PTPN4: variants seen among roughly 807,000 people sequenced by gnomAD.
PTPN4 encodes the protein protein tyrosine phosphatase non-receptor type 4, also known as tyrosine-protein phosphatase non-receptor type 4.
Under a neutral mutation model 135.5 loss-of-function variants are expected in PTPN4, and 49 were observed. The observed-to-expected ratio is 0.36, with a 90% confidence interval of 0.29 to 0.46. The LOEUF is 0.46. Among genes scored for constraint, PTPN4 ranks in the 20% least tolerant of loss-of-function variants. The pLI, the probability that PTPN4 is intolerant of heterozygous loss-of-function variation, is 1.00. For missense variants in PTPN4, 860 were observed against 1,101.0 expected (o/e 0.78, Z 3.10); for synonymous variants, 333 against 369.9 (o/e 0.90, Z 1.14).
intron 8 of PTPN4, among the ~76,000 whole-genome samples, chr2:119,884,004 A>G (rs530797245): frequency 2.2e-4 from 33 of 152,236 alleles, no homozygotes; most frequent in African/African-American, 7.5e-4. Context: ...GGTTCATGCC[A>G]TTCTCCTGCC....
In PTPN4 at chr2:119,978,784, G is replaced by A. The variant is rs141075821; in HGVS notation, c.*1714G>A. ...AGTCAAATGGCAGATATTTTGGAAA[G>A]CCATTTAGTATGAGGGGAAGAGTAC... On this transcript the variant is annotated 3_prime_UTR_variant, in exon 27 of 27. Transcript: ENST00000263708. 91 of 152,202 alleles carry A rather than the reference G, an allele frequency of 6.0e-4. No homozygotes were observed. The highest frequency in any genetic ancestry group is 2.0e-3 in the African/African-American group (84 of 41,556). 9.4% of individuals were successfully genotyped at this position (152,202 alleles called of 1,614,324 possible).
Position 119,945,226 on chromosome 2 carries a change from C to T in PTPN4, c.1501C>T (p.Pro501Ser), listed in dbSNP as rs1023895814. 40 of 1,563,692 alleles carry T rather than the reference C, an allele frequency of 2.6e-5. No homozygotes were observed. The highest frequency in any genetic ancestry group is 3.4e-5 in the Non-Finnish European group (39 of 1,158,364). Reference protein sequence around the residue: ...INETFDIPSSPEKPTPNGGIP... With the variant: ...INETFDIPSSSEKPTPNGGIP... ...TGAAACATTTGATATTCCATCTTCT[C>T]CTGAAAAACCCACTGTAAGTAGCTT... Residue 501 changes from proline (P) to serine (S), a missense_variant, in exon 16 of 27, where the codon CCT becomes TCT. Physicochemically the swap from Pro to Ser is moderately conservative, Grantham distance 74. Transcript: ENST00000263708.
At chr2:119,890,578 A>G (rs768657471) in intron 9 of PTPN4, among the ~76,000 whole-genome samples, 3 of 151,962 alleles carry the variant, frequency 2.0e-5, no homozygotes, top group East Asian at 3.9e-4. Context: ...TATTATATGT[A>G]TTCTGTGTTT....
intron 15 of PTPN4, among the ~76,000 whole-genome samples, chr2:119,943,574 T>G (rs960033125): frequency 8.2e-6 from 1 of 122,016 alleles, no homozygotes. Flanking sequence ...GCTGTTTCAT[T>G]TTTTTCTTTT....
At chr2:119,850,097 G>A (rs78774505) in intron 2 of PTPN4, among the ~76,000 whole-genome samples, 1 of 152,214 alleles carries the variant, frequency 6.6e-6, no homozygotes, top group Non-Finnish European at 1.5e-5. Context: ...GTTTTCAAGA[G>A]CACTCTTAGA....
At chr2:119,844,336 G>T (rs1432392224) in intron 2 of PTPN4, among the ~76,000 whole-genome samples, 1 of 72,432 alleles carries the variant, frequency 1.4e-5, no homozygotes, top group Non-Finnish European at 2.7e-5. Context: ...GCGGCTGGCC[G>T]GGCGGGGGGC....
rs201220961 is a variant in PTPN4, at chr2:119,934,958, C to T, written c.1355C>T (p.Pro452Leu). 19 of 1,602,148 alleles carry T rather than the reference C, an allele frequency of 1.2e-5. No individual in the cohort carries two copies. In the East Asian group the frequency reaches 1.8e-4, roughly 15 times the overall value. ...QANSIVLESS[P>L]SQETPGDGKP... ...AATAGCATTGTTCTGGAATCATCAC[C>T]GTAAGAGCTTTTTTATTTTGCTTCC... The change falls in exon 15 of 27, where the codon CCA becomes CTA. Residue 452 changes from proline (P) to leucine (L), a missense_variant and splice_region_variant. Around this residue, in one of 2 missense-constraint regions of PTPN4, gnomAD observed 684 missense variants for 807.0 expected, o/e 0.85. Coordinates refer to ENST00000263708, the MANE Select transcript of PTPN4 (RefSeq NM_002830.4).
chr2:119,829,615 G>A (rs1677191858), intron 2 of PTPN4, among the ~76,000 whole-genome samples: 1 of 152,006 alleles, frequency 6.6e-6, no homozygotes, highest in African/African-American at 2.4e-5. Flanking sequence ...TTAGCTTAAT[G>A]TTTTCAAGGA....
chr2:119,811,680 C>G (rs1269512942), intron 2 of PTPN4, among the ~76,000 whole-genome samples: 2 of 151,992 alleles, frequency 1.3e-5, no homozygotes, highest in Admixed American at 6.6e-5. Flanking sequence ...TTTGTCTTAG[C>G]TTAAATTTAG....
In PTPN4 at chr2:119,836,903, G is replaced by A. The variant is rs375330378; in HGVS notation, c.139-25633G>A. On this transcript the variant is annotated intron_variant, in intron 2 of 26. Transcript: ENST00000263708. Reference sequence around the variant, plus strand: ...TGAGCACAGGAGGGAGGCCTGTAGGGGGCTGAGGATGGCTCGTCACGGGCC... The same window carrying A: ...TGAGCACAGGAGGGAGGCCTGTAGGAGGCTGAGGATGGCTCGTCACGGGCC... Among the ~76,000 whole-genome samples, 6 of 152,332 alleles carry A rather than the reference G, an allele frequency of 3.9e-5. No homozygotes were observed. The South Asian group carries it at 1.0e-3, about 26-fold the overall frequency.
chr2:119,891,410 C>T (rs542749630), intron 9 of PTPN4, among the ~76,000 whole-genome samples: 2 of 152,156 alleles, frequency 1.3e-5, no homozygotes, highest in Non-Finnish European at 2.9e-5. Flanking sequence ...GCAACCTCTG[C>T]CTCCCAGATT....
intron 19 of PTPN4, among the ~76,000 whole-genome samples, chr2:119,952,892 A>G (rs918345694): frequency 6.6e-6 from 1 of 152,222 alleles, no homozygotes; most frequent in Non-Finnish European, 1.5e-5. Flanking sequence ...AGGTCATTCC[A>G]TCTTTGGATA....
chr2:119,799,118 A>G (rs1272818115), intron 1 of PTPN4, among the ~76,000 whole-genome samples: 1 of 152,190 alleles, frequency 6.6e-6, no homozygotes, highest in Non-Finnish European at 1.5e-5. Flanking sequence ...GGACATTTGA[A>G]TGTTATTTTT....
chr2:119,830,538 G>A (rs530200593), intron 2 of PTPN4, among the ~76,000 whole-genome samples: 3 of 152,208 alleles, frequency 2.0e-5, no homozygotes, highest in African/African-American at 7.2e-5. Context: ...GCGCGGTCTT[G>A]GCTCAGTGCA....
At chr2:119,895,684 G>GC (rs1678311163) in intron 9 of PTPN4, among the ~76,000 whole-genome samples, 1 of 152,088 alleles carries the variant, frequency 6.6e-6, no homozygotes, top group Non-Finnish European at 1.5e-5. Context: ...CACTTTGGGA[G>GC]GCCAAGGCAG....
At chr2:119,786,960 A>C (rs1691058091) in intron 1 of PTPN4, among the ~76,000 whole-genome samples, 1 of 152,178 alleles carries the variant, frequency 6.6e-6, no homozygotes, top group South Asian at 2.1e-4. Flanking sequence ...TACAGTTCTA[A>C]TTTAACTACT....
At chr2:119,834,273 C>T (rs1053733616) in intron 2 of PTPN4, among the ~76,000 whole-genome samples, 1 of 152,092 alleles carries the variant, frequency 6.6e-6, no homozygotes, top group Non-Finnish European at 1.5e-5. Context: ...TTTCTTCCAT[C>T]AGACAACCTC....
intron 15 of PTPN4, among the ~76,000 whole-genome samples, chr2:119,940,629 T>A (rs72840411): frequency 0.021 from 3,159 of 152,178 alleles, 59 homozygotes; most frequent in Non-Finnish European, 0.033. Flanking sequence ...TTTATTTTTT[T>A]AAAAAAATTT....
At chr2:119,766,449 C>CGCTCGT (rs1209819421) in intron 1 of PTPN4, among the ~76,000 whole-genome samples, 17 of 130,996 alleles carry the variant, frequency 1.3e-4, no homozygotes, top group African/African-American at 5.1e-4. Flanking sequence ...CATGTGCGCG[C>CGCTCGT]GTGTGTGTGT....
Sources: allele counts gnomAD v4.1 joint callset (sites outside exome capture counted in the v4.1 genomes callset), GRCh38; gene constraint gnomAD v4.1.1; regional missense constraint gnomAD v4.1.1; transcripts MANE v1.5; gene names NCBI Gene and HGNC (gene_info 2026-07-23, HGNC 2026-07-21).